Variants in TAFA1 observed in about 807,000 individuals in gnomAD.
The protein encoded by TAFA1 is TAFA chemokine like family member 1, also known as chemokine-like protein TAFA-1.
A neutral mutation model predicts 18.5 loss-of-function variants in TAFA1; 4 were observed. The observed-to-expected ratio is 0.22, with a 90% CI of 0.11 to 0.49. TAFA1 has a LOEUF of 0.49. Among genes scored for constraint, TAFA1 ranks in the 20% least tolerant of loss-of-function variants. TAFA1 has a pLI of 0.98. For missense variants in TAFA1, 147 were observed against 169.0 expected, an observed-to-expected ratio of 0.87 and a Z score of 0.72; for synonymous variants, 56 against 55.2, an observed-to-expected ratio of 1.01 and a Z score of -0.06.
Position 68,099,486 on chromosome 3 carries a change from T to A in TAFA1, c.118+92742T>A, listed in dbSNP as rs7427056. On this transcript the variant is annotated intron_variant, in intron 2 of 4. Coordinates refer to ENST00000478136, the MANE Select transcript of TAFA1 (RefSeq NM_213609.4). ...CTCACACCAGTCAGAATGGCTATTA[T>A]TAAAAAGTCAAAGACAACAGGTGCT... Among the ~76,000 whole-genome samples, 274 of 151,962 alleles carry A rather than the reference T, an allele frequency of 1.8e-3. 2 individuals carry two copies. Among genetic ancestry groups the A allele is most frequent in the Admixed American group, 2.9e-3 (45 of 15,274 alleles).
At chr3:68,044,560 T>C (rs7429717) in intron 2 of TAFA1, among the ~76,000 whole-genome samples, 107,157 of 152,088 alleles carry the variant, frequency 0.7, 37,839 homozygotes, top group South Asian at 0.8. Flanking sequence ...GGTTCTCCCA[T>C]GGTTTAAGGA....
intron 2 of TAFA1, among the ~76,000 whole-genome samples, chr3:68,141,857 T>C (rs1014164324): frequency 6.6e-6 from 1 of 152,238 alleles, no homozygotes; most frequent in Non-Finnish European, 1.5e-5. Context: ...TGTCTTCCTA[T>C]TTATTCCTTA....
At chr3:68,154,979 A>AT (rs755096228) in intron 2 of TAFA1, among the ~76,000 whole-genome samples, 1 of 152,230 alleles carries the variant, frequency 6.6e-6, no homozygotes, top group Non-Finnish European at 1.5e-5. Context: ...AGATGCATTG[A>AT]TTATATTGAT....
At chr3:68,428,443 C>A (rs1319995381) in intron 3 of TAFA1, among the ~76,000 whole-genome samples, 1 of 151,910 alleles carries the variant, frequency 6.6e-6, no homozygotes, top group East Asian at 1.9e-4. Context: ...AGGCATCCTT[C>A]GACCTCCTTA....
chr3:68,500,105 AC>A (rs1293340065), intron 3 of TAFA1, among the ~76,000 whole-genome samples: 1 of 151,950 alleles, frequency 6.6e-6, no homozygotes, highest in East Asian at 1.9e-4. Flanking sequence ...ATGGCTCTAA[AC>A]AACTCCAAGC....
At chr3:68,092,604 T>A (rs1010173501) in intron 2 of TAFA1, among the ~76,000 whole-genome samples, 1 of 152,136 alleles carries the variant, frequency 6.6e-6, no homozygotes, top group African/African-American at 2.4e-5. Flanking sequence ...AATTCCTCCT[T>A]CCATCTCAGG....
chr3:68,374,406 T>C (rs1243006824), intron 2 of TAFA1, among the ~76,000 whole-genome samples: 2 of 152,162 alleles, frequency 1.3e-5, no homozygotes, highest in African/African-American at 4.8e-5. Context: ...CTGAGCAAGT[T>C]AACCACTCTC....
At position 68,069,996 on chromosome 3, in the gene TAFA1, C is replaced by T. The variant is rs1052358492; in HGVS notation, c.118+63252C>T. ...TGGCATTGAGTGTCTATGGCTTTTC[C>T]AGGCGCATGGTGCAAGGTGTCAGTG... On this transcript the variant is annotated intron_variant, in intron 2 of 4. Coordinates refer to ENST00000478136, the MANE Select transcript of TAFA1 (RefSeq NM_213609.4). Among the ~76,000 whole-genome samples, 3 of 152,174 alleles carry T rather than the reference C, an allele frequency of 2.0e-5. No individual in the cohort carries two copies. In the East Asian group the frequency reaches 5.8e-4, roughly 29 times the overall value.
intron 3 of TAFA1, among the ~76,000 whole-genome samples, chr3:68,426,920 T>C (rs189338525): frequency 3.9e-5 from 6 of 152,004 alleles, no homozygotes; most frequent in East Asian, 1.9e-4. Context: ...ATGTGAAAAC[T>C]ATACATAAAA....
intron 2 of TAFA1, among the ~76,000 whole-genome samples, chr3:68,339,516 A>G (rs564353190): frequency 6.6e-6 from 1 of 152,214 alleles, no homozygotes; most frequent in African/African-American, 2.4e-5. Context: ...ATACTACATG[A>G]GAAACAGAGG....
At chr3:68,471,936 C>A (rs1158447162) in intron 3 of TAFA1, among the ~76,000 whole-genome samples, 1 of 152,132 alleles carries the variant, frequency 6.6e-6, no homozygotes, top group Non-Finnish European at 1.5e-5. Context: ...GATTTTACAG[C>A]CTCATAGGTG....
chr3:68,349,115 T>G (rs984242024), intron 2 of TAFA1, among the ~76,000 whole-genome samples: 4 of 151,724 alleles, frequency 2.6e-5, no homozygotes, highest in Non-Finnish European at 1.5e-5. Flanking sequence ...TTCAGAAAAT[T>G]CTGCTATTTT....
intron 3 of TAFA1, among the ~76,000 whole-genome samples, chr3:68,529,810 T>C (rs965084640): frequency 6.6e-6 from 1 of 152,136 alleles, no homozygotes; most frequent in Non-Finnish European, 1.5e-5. Flanking sequence ...AATTGACCTG[T>C]TCATGAGAGA....
intron 3 of TAFA1, among the ~76,000 whole-genome samples, chr3:68,443,480 A>C (rs2071422862): frequency 6.6e-6 from 1 of 150,476 alleles, no homozygotes; most frequent in Non-Finnish European, 1.5e-5. Context: ...TTACAAAAAA[A>C]AAAAAAAAAA....
At chr3:68,162,479 G>T (rs923684355) in intron 2 of TAFA1, among the ~76,000 whole-genome samples, 1 of 152,232 alleles carries the variant, frequency 6.6e-6, no homozygotes, top group East Asian at 1.9e-4. Context: ...CTTGCCTGCC[G>T]CTCACCTCCA....
At chr3:68,055,208 C>T in intron 2 of TAFA1, among the ~76,000 whole-genome samples, 1 of 152,114 alleles carries the variant, frequency 6.6e-6, no homozygotes, top group East Asian at 1.9e-4. Flanking sequence ...GTAAAGCACA[C>T]AACTCAGAAA....
intron 2 of TAFA1, among the ~76,000 whole-genome samples, chr3:68,208,603 C>G (rs941502853): frequency 1.3e-5 from 2 of 151,942 alleles, no homozygotes; most frequent in Non-Finnish European, 2.9e-5. Context: ...TCCAGCAAGG[C>G]CTCATTCTCA....
At chr3:68,309,842 G>A (rs2068485289) in intron 2 of TAFA1, among the ~76,000 whole-genome samples, 1 of 152,108 alleles carries the variant, frequency 6.6e-6, no homozygotes, top group African/African-American at 2.4e-5. Context: ...CACTTCCTTG[G>A]TGTTAATATG....
intron 2 of TAFA1, among the ~76,000 whole-genome samples, chr3:68,398,916 A>G (rs1214473521): frequency 6.6e-6 from 1 of 152,194 alleles, no homozygotes; most frequent in African/African-American, 2.4e-5. Context: ...TAAAAATTGC[A>G]TTCTTTTAAA....
Sources: allele counts gnomAD v4.1 joint callset (sites outside exome capture counted in the v4.1 genomes callset), GRCh38; gene constraint gnomAD v4.1.1; transcripts MANE v1.5; gene names NCBI Gene and HGNC (gene_info 2026-07-23, HGNC 2026-07-21).